Variants in SLC25A12 observed in about 807,000 individuals in gnomAD.
SLC25A12 encodes the protein solute carrier family 25 member 12, also known as electrogenic aspartate/glutamate antiporter SLC25A12, mitochondrial.
In SLC25A12, 32 loss-of-function variants were observed where a neutral mutation model predicts 83.3. The ratio of observed to expected loss-of-function variants is 0.38; its 90% CI spans 0.29 to 0.52. The LOEUF is 0.52. Ranked by LOEUF, SLC25A12 falls within the 20% of genes least tolerant of loss-of-function variation. The pLI, the probability that SLC25A12 is intolerant of heterozygous loss-of-function variation, is 0.84. For synonymous variants in SLC25A12, 267 were observed against 291.1 expected (o/e 0.92, Z 0.84); for missense variants, 611 against 835.6 (o/e 0.73, Z 3.31).
In SLC25A12 at chr2:171,842,509, G is replaced by A. The variant is rs1008867390; in HGVS notation, c.465+1860C>T. 9.2e-5 allele frequency among the ~76,000 whole-genome samples: 14 copies of A among 152,184 alleles called. No individual in the cohort carries two copies. In the East Asian group the frequency reaches 9.7e-4, roughly 10 times the overall value. On this transcript the variant is annotated intron_variant, in intron 5 of 17. Transcript: ENST00000422440. ...CTCAGGAGGCTGAGGCAGGAGAATC[G>A]CTTGAATCCAGGAGGTGGAGGTTGC... is the stretch of plus-strand genomic sequence containing the variant.
At chr2:171,834,917 G>A (rs528811983) in intron 6 of SLC25A12, 52 bp from the exon 7 acceptor site, 18 of 1,570,540 alleles carry the variant, frequency 1.1e-5, no homozygotes, top group African/African-American at 4.1e-5. Flanking sequence ...ACAAAAACAC[G>A]TTTATGGACA....
intron 3 of SLC25A12, among the ~76,000 whole-genome samples, chr2:171,858,776 T>C (rs116033893): frequency 0.022 from 3,332 of 152,282 alleles, 65 homozygotes; most frequent in Non-Finnish European, 0.03. Flanking sequence ...GTCTTTCTCC[T>C]TCAGAAAAGC....
chr2:171,860,354 G>A (rs948005336), intron 3 of SLC25A12, among the ~76,000 whole-genome samples: 8 of 152,058 alleles, frequency 5.3e-5, no homozygotes, highest in African/African-American at 1.9e-4. Flanking sequence ...GCTGAGGCGG[G>A]TGGATCACTT....
At chr2:171,873,211 G>A (rs867753736) in intron 2 of SLC25A12, among the ~76,000 whole-genome samples, 62 of 152,198 alleles carry the variant, frequency 4.1e-4, no homozygotes, top group African/African-American at 1.5e-3. Flanking sequence ...CACTTTGGGA[G>A]GCTGAGGCAG....
At chr2:171,886,405 G>A (rs1248241634) in intron 2 of SLC25A12, among the ~76,000 whole-genome samples, 2 of 142,450 alleles carry the variant, frequency 1.4e-5, no homozygotes, top group East Asian at 2.1e-4. Context: ...CTAGGTTTTT[G>A]TATTTTTTGT....
intron 9 of SLC25A12, among the ~76,000 whole-genome samples, chr2:171,825,958 A>C (rs1684291836): frequency 6.6e-6 from 1 of 152,216 alleles, no homozygotes. Context: ...TGTTTTAATC[A>C]TTCTTAACAT....
rs2105913377 is a variant in SLC25A12 at position 171,865,143 on chromosome 2, C to A, written c.209+3538G>T. ...AATAATTCCAGCACCAAGAACAGTA[C>A]CTGAGGCATAGCAGGCACTCAATAC... is the stretch of plus-strand genomic sequence containing the variant. On this transcript the variant is annotated intron_variant, in intron 3 of 17. Transcript: ENST00000422440. 2.0e-5 allele frequency among the ~76,000 whole-genome samples: 3 copies of A among 152,066 alleles called. 1 individual carries two copies. In the Middle Eastern group the frequency reaches 0.01, roughly 517 times the overall value.
intron 3 of SLC25A12, chr2:171,856,501 T>A (rs967161883): frequency 1.3e-5 from 2 of 153,684 alleles, no homozygotes; most frequent in African/African-American, 4.8e-5. Flanking sequence ...AGGAACATGT[T>A]CACTACCACC....
chr2:171,799,694 C>G (rs1414511382), intron 13 of SLC25A12, among the ~76,000 whole-genome samples: 1 of 152,196 alleles, frequency 6.6e-6, no homozygotes, highest in East Asian at 1.9e-4. Flanking sequence ...TTCGGCATAA[C>G]CATTCCATTC....
intron 4 of SLC25A12, among the ~76,000 whole-genome samples, chr2:171,851,062 G>A (rs1684916890): frequency 6.6e-6 from 1 of 152,210 alleles, no homozygotes; most frequent in African/African-American, 2.4e-5. Context: ...AGTTTACTTT[G>A]AAGAGTGTCC....
chr2:171,868,556 C>T (rs995220543), intron 3 of SLC25A12, 125 bp downstream of exon 3: 42 of 895,964 alleles, frequency 4.7e-5, no homozygotes, highest in African/African-American at 6.6e-5. Context: ...TCAGGTGATC[C>T]GCCCGCCTCA....
At chr2:171,802,571 T>C (rs1295586116) in intron 13 of SLC25A12, among the ~76,000 whole-genome samples, 1 of 152,112 alleles carries the variant, frequency 6.6e-6, no homozygotes, top group Non-Finnish European at 1.5e-5. Flanking sequence ...GGTCAGAAGA[T>C]CGAGACCATC....
At chr2:171,849,139 G>A (rs759389896) in intron 4 of SLC25A12, among the ~76,000 whole-genome samples, 2 of 151,670 alleles carry the variant, frequency 1.3e-5, no homozygotes, top group Non-Finnish European at 2.9e-5. Flanking sequence ...GCAGTGAGCC[G>A]AGATCACACC....
chr2:171,875,199 G>C (rs1574000679), intron 2 of SLC25A12, among the ~76,000 whole-genome samples: 1 of 152,286 alleles, frequency 6.6e-6, no homozygotes, highest in South Asian at 2.1e-4. Flanking sequence ...ATTTACATGA[G>C]GTAAGCACCA....
intron 13 of SLC25A12, among the ~76,000 whole-genome samples, chr2:171,799,589 T>C (rs1683667622): frequency 1.3e-5 from 2 of 152,190 alleles, no homozygotes; most frequent in Admixed American, 6.5e-5. Context: ...GTATGTGGTG[T>C]GTGTAGACAC....
intron 15 of SLC25A12, among the ~76,000 whole-genome samples, chr2:171,790,307 G>A (rs146390691): frequency 2.6e-3 from 389 of 152,282 alleles, no homozygotes; most frequent in Non-Finnish European, 3.7e-3. Flanking sequence ...CTCTGTAATG[G>A]TTCATTACTG....
intron 3 of SLC25A12, among the ~76,000 whole-genome samples, chr2:171,868,178 C>A (rs185388588): frequency 1.1e-3 from 174 of 151,752 alleles, no homozygotes; most frequent in Middle Eastern, 3.4e-3. Flanking sequence ...TATGTATCCC[C>A]AAAATATAAT....
chr2:171,788,006 T>A, intron 15 of SLC25A12, 59 bp from the exon 16 acceptor site: 4 of 1,552,022 alleles, frequency 2.6e-6, no homozygotes, highest in Non-Finnish European at 3.5e-6. Flanking sequence ...ATAGGAATAC[T>A]GCTAACATCT....
intron 3 of SLC25A12, among the ~76,000 whole-genome samples, chr2:171,858,081 T>C (rs530772367): frequency 7.2e-5 from 11 of 152,196 alleles, no homozygotes; most frequent in Admixed American, 4.6e-4. Flanking sequence ...AGATCTTTCA[T>C]AGCAAGCTTG....
Sources: allele counts gnomAD v4.1 joint callset (sites outside exome capture counted in the v4.1 genomes callset), GRCh38; gene constraint gnomAD v4.1.1; transcripts MANE v1.5; gene names NCBI Gene and HGNC (gene_info 2026-07-23, HGNC 2026-07-21).